Variants in PRKCA observed in about 807,000 individuals in gnomAD.
PRKCA encodes protein kinase C alpha type.
Under a neutral mutation model 87.0 loss-of-function variants are expected in PRKCA, and 27 were observed. The observed-to-expected ratio is 0.31, with a 90% CI of 0.23 to 0.43. The LOEUF (loss-of-function observed/expected upper bound fraction) is 0.43, where lower values mean the gene tolerates loss of function less well. PRKCA is among the 20% of genes least tolerant of loss of function. The probability of loss-of-function intolerance (pLI) is 1.00; values close to 1 mark genes in which losing one functional copy is unlikely to be tolerated. For synonymous variants in PRKCA, 329 were observed against 311.1 expected (o/e 1.06, Z -0.61); for missense variants, 518 against 852.3 (o/e 0.61, Z 4.88).
At chr17:66,595,463 CTT>C (rs374376124) in intron 3 of PRKCA, among the ~76,000 whole-genome samples, 79 of 116,490 alleles carry the variant, frequency 6.8e-4, no homozygotes, top group East Asian at 2.9e-3. Context: ...TCTTTTCCTT[CTT>C]TTTTTTTTTT....
rs111625445 is a variant in PRKCA, at chr17:66,774,198, C to T, written c.1605+131C>T. On this transcript the variant is annotated intron_variant, in intron 14 of 16. Transcript: ENST00000413366. Reference sequence around the variant, plus strand: ...GTTGGCGTGACTTCCCTGACCCAGGCGAAAGAGGGAGAAACGCCCCCTTCA... The same window carrying T: ...GTTGGCGTGACTTCCCTGACCCAGGTGAAAGAGGGAGAAACGCCCCCTTCA... The T allele has an allele frequency of 6.9e-5, 106 of 1,544,654 alleles. No homozygotes were observed. The African/African-American group carries it at 1.0e-3, about 15-fold the overall frequency.
chr17:66,353,543 C>G (rs982102905), intron 2 of PRKCA, among the ~76,000 whole-genome samples: 1 of 152,132 alleles, frequency 6.6e-6, no homozygotes, highest in Admixed American at 6.5e-5. Context: ...TGGTGAAACC[C>G]CGTCTCTACT....
intron 2 of PRKCA, among the ~76,000 whole-genome samples, chr17:66,421,074 A>C (rs1246342567): frequency 1.3e-5 from 2 of 152,224 alleles, no homozygotes; most frequent in Non-Finnish European, 2.9e-5. Flanking sequence ...TGCACAATGA[A>C]GATGAAAAAC....
intron 3 of PRKCA, among the ~76,000 whole-genome samples, chr17:66,496,890 G>A (rs1383976005): frequency 2.6e-5 from 4 of 151,904 alleles, no homozygotes; most frequent in Admixed American, 6.6e-5. Flanking sequence ...CAATCCACTC[G>A]TCTTGGCCTC....
At chr17:66,769,678 A>T (rs892115486) in intron 13 of PRKCA, among the ~76,000 whole-genome samples, 4 of 152,198 alleles carry the variant, frequency 2.6e-5, no homozygotes, top group African/African-American at 7.2e-5. Context: ...GACTGTGTTG[A>T]TAGGAGCAAG....
At chr17:66,664,131 G>A (rs1971979218) in intron 5 of PRKCA, among the ~76,000 whole-genome samples, 1 of 152,178 alleles carries the variant, frequency 6.6e-6, no homozygotes. Flanking sequence ...GGCTCCCAAA[G>A]TGCCGGGTTT....
intron 13 of PRKCA, among the ~76,000 whole-genome samples, chr17:66,749,207 G>A (rs1974372967): frequency 6.6e-6 from 1 of 152,054 alleles, no homozygotes; most frequent in Non-Finnish European, 1.5e-5. Flanking sequence ...GTATCTTGGA[G>A]AAGCCAAAGC....
At chr17:66,705,694 G>T (rs1055936241) in intron 8 of PRKCA, among the ~76,000 whole-genome samples, 3 of 152,138 alleles carry the variant, frequency 2.0e-5, no homozygotes, top group African/African-American at 7.2e-5. Flanking sequence ...CACAGGGGAT[G>T]AGCAGGTACC....
chr17:66,510,906 C>T (rs966117338), intron 3 of PRKCA, among the ~76,000 whole-genome samples: 3 of 151,980 alleles, frequency 2.0e-5, no homozygotes, highest in African/African-American at 7.3e-5. Flanking sequence ...ACCACCATGC[C>T]CGGCTAATTT....
rs561323686 is a variant in PRKCA at position 66,315,387 on chromosome 17, G to A, written c.205+9260G>A. Among the ~76,000 whole-genome samples the A allele has an allele frequency of 2.0e-5, 3 of 152,248 alleles. No individual in the cohort carries two copies. The South Asian group carries it at 6.2e-4, about 32-fold the overall frequency. ...ATGCTGTTAAGCCAGGTGTTCTGCT[G>A]CCTCTCACAATTCTCCTTTTCTTGA... is the stretch of plus-strand genomic sequence containing the variant. On this transcript the variant is annotated intron_variant, in intron 2 of 16. Transcript: ENST00000413366.
intron 13 of PRKCA, among the ~76,000 whole-genome samples, chr17:66,747,617 G>A (rs780321565): frequency 2.6e-5 from 4 of 152,180 alleles, no homozygotes; most frequent in Admixed American, 6.6e-5. Flanking sequence ...ACCGGAGCCC[G>A]TACGTTCTTT....
At chr17:66,324,158 C>T (rs1376160311) in intron 2 of PRKCA, among the ~76,000 whole-genome samples, 2 of 152,090 alleles carry the variant, frequency 1.3e-5, no homozygotes, top group African/African-American at 2.4e-5. Flanking sequence ...TGGTCAATAA[C>T]ACTTGGACCT....
At chr17:66,688,188 C>T in intron 6 of PRKCA, 114 bp from the exon 7 acceptor site, 2 of 1,366,214 alleles carry the variant, frequency 1.5e-6, no homozygotes, top group Non-Finnish European at 2.0e-6. Context: ...TTTACTGGAC[C>T]AGGAAGACAA....
At chr17:66,483,225 C>T (rs1002556703) in intron 2 of PRKCA, among the ~76,000 whole-genome samples, 2 of 152,118 alleles carry the variant, frequency 1.3e-5, no homozygotes, top group African/African-American at 4.8e-5. Flanking sequence ...GCTTAAACAA[C>T]GAAAGTGTGT....
In PRKCA at chr17:66,803,643, C is replaced by A. The variant is rs2144443268; in HGVS notation, c.1855-230C>A. ...GCCTCATTGCCAGCCGTGCAATTCCCACCCAGGGCTTCTGTTCGGGGTGTT... is the reference window on the plus strand; with the variant it reads ...GCCTCATTGCCAGCCGTGCAATTCCAACCCAGGGCTTCTGTTCGGGGTGTT... On this transcript the variant is annotated intron_variant, in intron 16 of 16. Transcript: ENST00000413366. This position sits in a 1 kb window ranked among gnomAD's most constrained non-coding sequence, Gnocchi z 4.4. Among the ~76,000 whole-genome samples, 1 of 152,278 alleles carries A rather than the reference C, an allele frequency of 6.6e-6. No homozygotes were observed. The highest frequency in any genetic ancestry group is 2.1e-4 in the South Asian group (1 of 4,830).
intron 2 of PRKCA, among the ~76,000 whole-genome samples, chr17:66,431,314 C>A (rs114622504): frequency 6.6e-6 from 1 of 152,150 alleles, no homozygotes; most frequent in Non-Finnish European, 1.5e-5. Flanking sequence ...AATAGCGATG[C>A]AAATGAGTTC....
chr17:66,591,097 G>A (rs2143537551), intron 3 of PRKCA, among the ~76,000 whole-genome samples: 1 of 152,246 alleles, frequency 6.6e-6, no homozygotes. Flanking sequence ...GTGACTTGGT[G>A]TGGTCAATGC....
intron 2 of PRKCA, among the ~76,000 whole-genome samples, chr17:66,356,623 C>CA (rs1453544975): frequency 6.6e-6 from 1 of 151,722 alleles, no homozygotes; most frequent in Non-Finnish European, 1.5e-5. Context: ...GACTCCGTCT[C>CA]AAAAAAACAA....
intron 2 of PRKCA, among the ~76,000 whole-genome samples, chr17:66,382,783 G>A (rs1025833312): frequency 5.9e-5 from 9 of 152,010 alleles, no homozygotes; most frequent in African/African-American, 9.7e-5. Flanking sequence ...TGCTACTGGC[G>A]TCTAGTGGGT....
Sources: gnomAD v4.1 joint callset for allele counts (sites outside exome capture counted in the v4.1 genomes callset) on GRCh38, gnomAD v4.1.1 for gene constraint, Gnocchi (gnomAD v3.1) non-coding constraint, MANE v1.5 for transcripts, NCBI Gene and HGNC (gene_info 2026-07-23, HGNC 2026-07-21) for gene names.